The following MAF variants were observed in gnomAD, a reference collection of about 807,000 sequenced individuals.
MAF encodes the protein transcription factor Maf.
Under a neutral mutation model 22.0 loss-of-function variants are expected in MAF, and 10 were observed. That is an observed-to-expected ratio of 0.45 (90% CI 0.28 to 0.77). The LOEUF is 0.77. Ranked by LOEUF, MAF falls within the 30% of genes least tolerant of loss-of-function variation. MAF has a pLI of 0.12. For missense variants in MAF, 544 were observed against 548.4 expected (o/e 0.99, Z 0.08); for synonymous variants, 337 against 255.8 (o/e 1.32, Z -3.03).
chr16:79,344,392 C>G, the MAF span, among the ~76,000 whole-genome samples: 54 of 152,298 alleles, frequency 3.5e-4, no homozygotes, highest in African/African-American at 1.3e-3. Flanking sequence ...CTCTTGGGGT[C>G]CTAGTTAAGC....
the MAF span, among the ~76,000 whole-genome samples, chr16:79,537,751 G>A: frequency 6.6e-6 from 1 of 152,280 alleles, no homozygotes; most frequent in Admixed American, 6.5e-5. Flanking sequence ...GGCCCTGGGT[G>A]CCAATGAGAC....
chr16:79,265,401 T>A, the MAF span, among the ~76,000 whole-genome samples: 4 of 152,128 alleles, frequency 2.6e-5, no homozygotes, highest in Non-Finnish European at 5.9e-5. Flanking sequence ...CAGCCTCCTC[T>A]CACTTCTCTC....
chr16:79,229,202 T>C, the MAF span: 2 of 151,364 alleles, frequency 1.3e-5, no homozygotes, highest in African/African-American at 2.4e-5. Flanking sequence ...AGCCGGAATT[T>C]AGTAACATTA....
At chr16:79,451,520 T>C in the MAF span, among the ~76,000 whole-genome samples, 5 of 152,218 alleles carry the variant, frequency 3.3e-5, no homozygotes, top group South Asian at 2.1e-4. Context: ...CTAAGCTCTT[T>C]CAATGTTATT....
chr16:79,374,010 G>C, the MAF span, among the ~76,000 whole-genome samples: 2 of 152,038 alleles, frequency 1.3e-5, no homozygotes, highest in African/African-American at 2.4e-5. Flanking sequence ...CTGAGAGTTG[G>C]GGTGATTTAT....
chr16:79,524,193 G>C, the MAF span, among the ~76,000 whole-genome samples: 172 of 152,238 alleles, frequency 1.1e-3, no homozygotes, highest in Middle Eastern at 3.4e-3. Flanking sequence ...CAGTTTCAAC[G>C]GGAGAGCAGG....
chr16:79,298,834 G>A, the MAF span, among the ~76,000 whole-genome samples: 1 of 152,258 alleles, frequency 6.6e-6, no homozygotes, highest in East Asian at 1.9e-4. Context: ...GCCCCTCAGA[G>A]GTTATAGGCA....
At chr16:79,587,499 G>C (rs1228139339) in intron 1 of MAF, among the ~76,000 whole-genome samples, 1 of 152,098 alleles carries the variant, frequency 6.6e-6, no homozygotes, top group African/African-American at 2.4e-5. Context: ...AAGCTTAAGA[G>C]ATTGTGGGGA....
chr16:79,269,761 G>T, the MAF span, among the ~76,000 whole-genome samples: 1 of 152,088 alleles, frequency 6.6e-6, no homozygotes, highest in East Asian at 1.9e-4. Context: ...CTGAGTGAGG[G>T]GTGAGGGGTA....
rs1913361572 is a variant in MAF, at chr16:79,594,222, A to G, written c.*238T>C. On this transcript the variant is annotated 3_prime_UTR_variant, in exon 2 of 2. Transcript: ENST00000326043. ...TAGTATGGCAGGTTGAAAGCAATGC[A>G]CCTGTTTACTTGCACACACCATAAA... is the stretch of plus-strand genomic sequence containing the variant. 1 of 509,370 alleles carries G rather than the reference A, an allele frequency of 2.0e-6. No individual in the cohort carries two copies. The highest frequency in any genetic ancestry group is 2.4e-5 in the South Asian group (1 of 42,058). The allele number at this position is 509,370 out of a possible 1,614,324, so 31.6% of individuals were successfully genotyped here. A position where few individuals can be genotyped will look rare whatever the true frequency, so the allele number is the denominator to read the frequency against.
chr16:79,333,096 C>T, the MAF span, among the ~76,000 whole-genome samples: 4 of 152,210 alleles, frequency 2.6e-5, no homozygotes, highest in African/African-American at 9.6e-5. Context: ...CTGCAGTCCT[C>T]ATTTCCCATC....
the MAF span, among the ~76,000 whole-genome samples, chr16:79,372,883 CT>C: frequency 6.6e-6 from 1 of 152,202 alleles, no homozygotes; most frequent in Non-Finnish European, 1.5e-5. Context: ...ACTGCAGGAC[CT>C]TCAGCCTGCA....
chr16:79,477,435 G>T, the MAF span, among the ~76,000 whole-genome samples: 3 of 152,146 alleles, frequency 2.0e-5, no homozygotes, highest in African/African-American at 7.2e-5. Context: ...GCTGTCTTGC[G>T]TAGGAAACAT....
chr16:79,288,665 G>A, the MAF span, among the ~76,000 whole-genome samples: 2 of 152,318 alleles, frequency 1.3e-5, no homozygotes, highest in Non-Finnish European at 2.9e-5. Flanking sequence ...GAATCTTACA[G>A]GTGAGTGAAT....
At chr16:79,506,493 C>A in the MAF span, among the ~76,000 whole-genome samples, 1 of 152,214 alleles carries the variant, frequency 6.6e-6, no homozygotes, top group Non-Finnish European at 1.5e-5. Flanking sequence ...TGAGGCTCTC[C>A]TGCATGGGAA....
chr16:79,479,505 G>T, the MAF span, among the ~76,000 whole-genome samples: 1 of 152,162 alleles, frequency 6.6e-6, no homozygotes. Flanking sequence ...TTGTCAGGGC[G>T]GGGCCATCAC....
At chr16:79,266,971 A>G in the MAF span, among the ~76,000 whole-genome samples, 1 of 152,350 alleles carries the variant, frequency 6.6e-6, no homozygotes, top group East Asian at 1.9e-4. Context: ...AGCATGGAGC[A>G]CATGGCAGCT....
the MAF span, among the ~76,000 whole-genome samples, chr16:79,379,667 A>G: frequency 1.3e-5 from 2 of 152,226 alleles, no homozygotes; most frequent in African/African-American, 4.8e-5. Context: ...AATAAGTGAA[A>G]CTAAGTCATT....
At chr16:79,511,173 C>T in the MAF span, among the ~76,000 whole-genome samples, 1 of 152,104 alleles carries the variant, frequency 6.6e-6, no homozygotes, top group Admixed American at 6.5e-5. Flanking sequence ...GCCTTATTTA[C>T]CTTTTCTCTC....
Sources: allele counts gnomAD v4.1 joint callset (sites outside exome capture counted in the v4.1 genomes callset), GRCh38; gene constraint gnomAD v4.1.1; transcripts MANE v1.5; gene names NCBI Gene and HGNC (gene_info 2026-07-23, HGNC 2026-07-21).